Variants in STARD13 observed in about 807,000 individuals in gnomAD.
The protein encoded by STARD13 is stAR-related lipid transfer protein 13.
STARD13 carries 62 observed loss-of-function variants against 106.4 expected under a neutral mutation model. The ratio of observed to expected loss-of-function variants is 0.58; its 90% CI spans 0.48 to 0.72. The LOEUF is 0.72. Among genes scored for constraint, STARD13 ranks in the 30% least tolerant of loss-of-function variants. The probability of loss-of-function intolerance (pLI) is 0.00; values close to 1 mark genes in which losing one functional copy is unlikely to be tolerated. For missense variants in STARD13, 1,387 were observed against 1,424.0 expected, an observed-to-expected ratio of 0.97 and a Z score of 0.42; for synonymous variants, 565 against 553.0, an observed-to-expected ratio of 1.02 and a Z score of -0.31.
At chr13:33,121,909 G>C (rs186276629) in intron 7 of STARD13, among the ~76,000 whole-genome samples, 1 of 151,180 alleles carries the variant, frequency 6.6e-6, no homozygotes. Flanking sequence ...GCGATGGCAC[G>C]ATCTCAGCTC....
rs530248525 is a variant in STARD13, at chr13:33,229,730, T to G, written c.169+55740A>C. 1.6e-4 allele frequency among the ~76,000 whole-genome samples: 24 copies of G among 152,314 alleles called. 1 individual carries two copies. In the South Asian group the frequency reaches 4.8e-3, roughly 30 times the overall value. ...GGGGTTGGAAGAAAGAACCCTTTGT[T>G]TGGAAAACCTGTGAAAATATTCCCT... On this transcript the variant is annotated intron_variant, in intron 1 of 13. Transcript: ENST00000336934.
the STARD13 span, among the ~76,000 whole-genome samples, chr13:33,370,409 A>G: frequency 6.6e-6 from 1 of 152,164 alleles, no homozygotes; most frequent in Non-Finnish European, 1.5e-5. Flanking sequence ...AATGGTTTTC[A>G]CGGTACAATT....
intron 1 of STARD13, among the ~76,000 whole-genome samples, chr13:33,340,698 T>G (rs1310172491): frequency 6.6e-6 from 1 of 152,230 alleles, no homozygotes; most frequent in Non-Finnish European, 1.5e-5. Context: ...AATTTTATTT[T>G]GGAGAAAAAT....
intron 1 of STARD13, among the ~76,000 whole-genome samples, chr13:33,292,821 C>G (rs1187747195): frequency 6.6e-6 from 1 of 152,156 alleles, no homozygotes; most frequent in Non-Finnish European, 1.5e-5. Flanking sequence ...ATCTTTTAAA[C>G]CATGTCTCAG....
At chr13:33,327,461 C>T (rs1050618999) in intron 1 of STARD13, among the ~76,000 whole-genome samples, 11 of 152,182 alleles carry the variant, frequency 7.2e-5, no homozygotes, top group African/African-American at 2.7e-4. Flanking sequence ...CCTCAAACTC[C>T]TGGGGTCAAG....
Position 33,278,318 on chromosome 13 carries a change from T to C in STARD13, c.169+7152A>G, listed in dbSNP as rs144774334. On this transcript the variant is annotated intron_variant, in intron 1 of 13. Transcript: ENST00000336934. Reference sequence around the variant, plus strand: ...TTGAATATCTGTCTAATGGGCCTAGTGTTCTGTGAAGCAGACTTATAGAAA... The same window carrying C: ...TTGAATATCTGTCTAATGGGCCTAGCGTTCTGTGAAGCAGACTTATAGAAA... 5.3e-5 allele frequency: 8 copies of C among 152,306 alleles called. No homozygotes were observed. In the East Asian group the frequency reaches 1.5e-3, roughly 29 times the overall value. The allele number at this position is 152,306 out of a possible 1,614,324, so 9.4% of individuals were successfully genotyped here.
chr13:33,627,171 T>C, the STARD13 span, among the ~76,000 whole-genome samples: 1 of 152,200 alleles, frequency 6.6e-6, no homozygotes, highest in Non-Finnish European at 1.5e-5. Context: ...GTAGCAGAAT[T>C]AGTGATATTT....
chr13:33,357,634 T>C, the STARD13 span, among the ~76,000 whole-genome samples: 1 of 152,178 alleles, frequency 6.6e-6, no homozygotes, highest in African/African-American at 2.4e-5. Context: ...CATCAGCTAA[T>C]AAGTTGCGGA....
chr13:33,263,238 C>T lies in STARD13; in HGVS notation c.169+22232G>A, dbSNP rs1475603303. Among the ~76,000 whole-genome samples the T allele has an allele frequency of 2.6e-5, 4 of 152,086 alleles. No individual in the cohort carries two copies. In the East Asian group the frequency reaches 7.7e-4, roughly 29 times the overall value. On this transcript the variant is annotated intron_variant, in intron 1 of 13. Coordinates refer to ENST00000336934, the MANE Select transcript of STARD13 (RefSeq NM_178006.4). ...TCACTGGCCTCTGCCCACTAGATGC[C>T]AGCAGCACCCACCCCCTAGTTGTGA...
chr13:33,409,125 T>G, the STARD13 span, among the ~76,000 whole-genome samples: 1 of 152,064 alleles, frequency 6.6e-6, no homozygotes. Context: ...GTCAAGACTT[T>G]GTTTTATTTA....
chr13:33,608,422 G>A, the STARD13 span, among the ~76,000 whole-genome samples: 1 of 152,026 alleles, frequency 6.6e-6, no homozygotes, highest in South Asian at 2.1e-4. Flanking sequence ...CAAGTGCCAA[G>A]AAAATCTAGA....
intron 2 of STARD13, among the ~76,000 whole-genome samples, chr13:33,165,790 A>C (rs1286939997): frequency 6.6e-6 from 1 of 152,224 alleles, no homozygotes; most frequent in Non-Finnish European, 1.5e-5. Context: ...TTCACGAAAT[A>C]CTTAATTTGG....
the STARD13 span, among the ~76,000 whole-genome samples, chr13:33,607,622 T>C: frequency 6.6e-6 from 1 of 151,944 alleles, no homozygotes; most frequent in African/African-American, 2.4e-5. Context: ...ATGGTGCAAA[T>C]TGGAGGCAGG....
chr13:33,526,848 A>T, the STARD13 span, among the ~76,000 whole-genome samples: 1 of 152,064 alleles, frequency 6.6e-6, no homozygotes, highest in East Asian at 1.9e-4. Flanking sequence ...GAATAATGAA[A>T]ATGTAAAGAT....
At chr13:33,423,168 G>C in the STARD13 span, among the ~76,000 whole-genome samples, 34 of 152,142 alleles carry the variant, frequency 2.2e-4, no homozygotes, top group African/African-American at 8.2e-4. Context: ...CCTACAGAAT[G>C]GGAGAAAAGT....
chr13:33,451,216 T>A, the STARD13 span, among the ~76,000 whole-genome samples: 1 of 152,130 alleles, frequency 6.6e-6, no homozygotes, highest in South Asian at 2.1e-4. Flanking sequence ...AAATGTCAGT[T>A]ATAGAAAAGA....
the STARD13 span, among the ~76,000 whole-genome samples, chr13:33,672,827 T>C: frequency 6.6e-6 from 1 of 152,244 alleles, no homozygotes; most frequent in East Asian, 1.9e-4. Context: ...TAACATGCTA[T>C]CCATCTACAG....
chr13:33,223,151 T>G (rs1888444262), intron 1 of STARD13, among the ~76,000 whole-genome samples: 1 of 152,234 alleles, frequency 6.6e-6, no homozygotes, highest in Non-Finnish European at 1.5e-5. Context: ...TTACCCAGCC[T>G]GTGCTGGCAG....
the STARD13 span, among the ~76,000 whole-genome samples, chr13:33,507,008 A>G: frequency 6.6e-6 from 1 of 152,082 alleles, no homozygotes; most frequent in Non-Finnish European, 1.5e-5. Flanking sequence ...GGCTCAGGTG[A>G]GAGGATCGCT....
Sources: allele counts gnomAD v4.1 joint callset (sites outside exome capture counted in the v4.1 genomes callset), GRCh38; gene constraint gnomAD v4.1.1; transcripts MANE v1.5; gene names NCBI Gene and HGNC (gene_info 2026-07-23, HGNC 2026-07-21).